The following ARID1A variants were observed in gnomAD, a reference collection of about 807,000 sequenced individuals.
ARID1A encodes the protein AT-rich interactive domain-containing protein 1A.
Under a neutral mutation model 212.6 loss-of-function variants are expected in ARID1A, and 20 were observed. The ratio of observed to expected loss-of-function variants is 0.09; its 90% CI spans 0.07 to 0.14. The LOEUF (loss-of-function observed/expected upper bound fraction) is 0.14, where lower values mean the gene tolerates loss of function less well. Among genes scored for constraint, ARID1A ranks in the 10% least tolerant of loss-of-function variants. The probability of loss-of-function intolerance (pLI) is 1.00; values close to 1 mark genes in which losing one functional copy is unlikely to be tolerated. For missense variants in ARID1A, 2,587 were observed against 3,059.0 expected, an observed-to-expected ratio of 0.85 and a Z score of 3.64; for synonymous variants, 1,376 against 1,222.1, an observed-to-expected ratio of 1.13 and a Z score of -2.63.
chr1:26,710,203 A>G (rs528900994), intron 1 of ARID1A, among the ~76,000 whole-genome samples: 4 of 147,234 alleles, frequency 2.7e-5, no homozygotes, highest in Non-Finnish European at 4.5e-5. Context: ...TGGGAGGCCA[A>G]GGCGGGTGGA....
At position 26,753,535 on chromosome 1, in the gene ARID1A, G is replaced by A. The variant is rs1189546003; in HGVS notation, c.1921-7321G>A. The stretch of plus-strand genomic sequence containing the variant: ...GTGAAATAGTTGGATCTGCTCCAGC[G>A]CTTTTGATCTGCATGGTAGATGAGC... On this transcript the variant is annotated intron_variant, in intron 4 of 19. Transcript: ENST00000324856. Among the ~76,000 whole-genome samples the A allele has an allele frequency of 4.6e-5, 7 of 152,326 alleles. 1 individual carries two copies. In the East Asian group the frequency reaches 9.6e-4, roughly 21 times the overall value.
chr1:26,696,617 G>A lies in ARID1A; in HGVS notation c.214G>A (p.Glu72Lys). Residue 72 changes from glutamate (E) to lysine (K), a missense_variant, in exon 1 of 20, where the codon GAG becomes AAG. Physicochemically the swap from Glu to Lys is moderately conservative, Grantham distance 56. Transcript: ENST00000324856. The stretch of plus-strand genomic sequence containing the variant: ...GGGGCCGCCGCAGCCGCTGGGAAAG[G>A]AGCTGCAGGACGGGGCCGAGAGCAA... ...AVGPPQPLGKELQDGAESNGG... is the reference protein window; with the variant it reads ...AVGPPQPLGKKLQDGAESNGG... The A allele has an allele frequency of 8.0e-7, 1 of 1,253,902 alleles. No individual in the cohort carries two copies. 77.7% of individuals were successfully genotyped at this position (1,253,902 alleles called of 1,614,324 possible).
At chr1:26,777,809 A>T (rs2081150779) in intron 19 of ARID1A, among the ~76,000 whole-genome samples, 1 of 152,110 alleles carries the variant, frequency 6.6e-6, no homozygotes. Context: ...GGCTCACGCC[A>T]GTAATCCTAG....
At position 26,774,366 on chromosome 1, in the gene ARID1A, C is replaced by T. The variant is rs2081113674; in HGVS notation, c.4139C>T (p.Pro1380Leu). Residue 1380 changes from proline (P) to leucine (L), a missense_variant, in exon 18 of 20, where the codon CCT becomes CTT. Coordinates refer to ENST00000324856, the MANE Select transcript of ARID1A (RefSeq NM_006015.6). The surrounding 1 kb of genome is among the most constrained non-coding windows in gnomAD (Gnocchi z 5.6). ...KRPMDGTYGP[P>L]AKRHEGEMYS... ...CCAATGGATGGCACATATGGCCCTC[C>T]TGCCAAGCGGCACGAAGGGGAGATG... 2 of 1,562,028 alleles carry T rather than the reference C, an allele frequency of 1.3e-6. No homozygotes were observed. Among genetic ancestry groups the T allele is most frequent in the African/African-American group, 2.7e-5 (2 of 73,520 alleles).
chr1:26,700,874 TA>T (rs1411079838), intron 1 of ARID1A, among the ~76,000 whole-genome samples: 15 of 152,210 alleles, frequency 9.9e-5, no homozygotes, highest in Non-Finnish European at 2.2e-4. Flanking sequence ...CATGTTTCTC[TA>T]CTGTTCATGA....
chr1:26,697,970 C>T (rs1557572088), intron 1 of ARID1A, among the ~76,000 whole-genome samples: 1 of 152,166 alleles, frequency 6.6e-6, no homozygotes. Context: ...CGGCCTTCCT[C>T]TGGGCCGCCC....
Position 26,762,210 on chromosome 1 carries a change from C to G in ARID1A, c.2310C>G (p.Ala770=). ...ACAGTTCCCCCCAGCCCGGCTCAGCCTTATCTCCGCGTCAGCCTTCCGGAG... is the reference window on the plus strand; with the variant it reads ...ACAGTTCCCCCCAGCCCGGCTCAGCGTTATCTCCGCGTCAGCCTTCCGGAG... ...PQYSSPQPGS[A]LSPRQPSGGQ... The change falls in exon 7 of 20, where the codon GCC becomes GCG. Residue 770 remains alanine, a synonymous_variant. Transcript: ENST00000324856. The G allele has an allele frequency of 6.2e-7, 1 of 1,614,202 alleles. No homozygotes were observed. Among genetic ancestry groups the G allele is most frequent in the Non-Finnish European group, 8.5e-7 (1 of 1,180,038 alleles).
At chr1:26,731,874 G>GT (rs1340251324) in intron 3 of ARID1A, among the ~76,000 whole-genome samples, 2 of 151,812 alleles carry the variant, frequency 1.3e-5, no homozygotes, top group African/African-American at 2.4e-5. Context: ...AATGGGACTG[G>GT]TTTTTTTATT....
At chr1:26,753,365 C>G (rs764425099) in intron 4 of ARID1A, 6 of 152,190 alleles carry the variant, frequency 3.9e-5, no homozygotes, top group Non-Finnish European at 8.8e-5. Flanking sequence ...GGCTGGGCAA[C>G]CAATCACAGC....
intron 4 of ARID1A, among the ~76,000 whole-genome samples, chr1:26,741,433 G>C (rs1166236822): frequency 6.6e-6 from 1 of 152,158 alleles, no homozygotes; most frequent in Admixed American, 6.6e-5. Context: ...AGAAAAAGGA[G>C]AGTCTGGCTG....
chr1:26,766,155 T>C, intron 8 of ARID1A, 66 bp from the exon 9 acceptor site: 2 of 1,549,358 alleles, frequency 1.3e-6, no homozygotes, highest in Non-Finnish European at 1.7e-6. Context: ...ACTATTTGGC[T>C]CCAGTTCAAA....
At chr1:26,739,567 C>T (rs2080767711) in intron 4 of ARID1A, among the ~76,000 whole-genome samples, 1 of 152,208 alleles carries the variant, frequency 6.6e-6, no homozygotes, top group South Asian at 2.1e-4. Context: ...TGGTGATTTA[C>T]ACTGTAGTTT....
intron 4 of ARID1A, among the ~76,000 whole-genome samples, chr1:26,757,495 A>G (rs888933094): frequency 4.0e-5 from 6 of 151,824 alleles, no homozygotes; most frequent in African/African-American, 4.8e-5. Flanking sequence ...AGGAAATAAA[A>G]ACGCACAAAG....
At chr1:26,766,431 C>T (rs1265667968) in intron 9 of ARID1A, 26 bp from the exon 10 acceptor site, 2 of 1,613,788 alleles carry the variant, frequency 1.2e-6, no homozygotes, top group Non-Finnish European at 1.7e-6. Flanking sequence ...ACTTACTGGA[C>T]TTGAGAATTT....
chr1:26,745,908 G>A (rs767741880), intron 4 of ARID1A, among the ~76,000 whole-genome samples: 3 of 152,064 alleles, frequency 2.0e-5, no homozygotes, highest in South Asian at 2.1e-4. Context: ...AAAATTAGCC[G>A]GGCGTGGTGG....
chr1:26,779,340 A>G lies in ARID1A; in HGVS notation c.5442A>G (p.Val1814=), dbSNP rs1413966888. The G allele has an allele frequency of 4.3e-6, 7 of 1,614,126 alleles. No homozygotes were observed. The highest frequency in any genetic ancestry group is 5.9e-6 in the Non-Finnish European group (7 of 1,180,058). ...TCAGTAAGTTTGACAAGCTTCCAGT[A>G]AAGATCGTACAGAAGAATGATCCAT... The part of the protein sequence containing the change: ...KLISKFDKLP[V]KIVQKNDPFV... Residue 1814 remains valine, a synonymous_variant, in exon 20 of 20, where the codon GTA becomes GTG. Transcript: ENST00000324856.
At chr1:26,752,627 T>G (rs1386599639) in intron 4 of ARID1A, among the ~76,000 whole-genome samples, 3 of 152,224 alleles carry the variant, frequency 2.0e-5, no homozygotes, top group Non-Finnish European at 4.4e-5. Context: ...CTCCTACCTT[T>G]TCCTTTTCTT....
At chr1:26,760,311 T>G (rs1406405632) in intron 4 of ARID1A, among the ~76,000 whole-genome samples, 1 of 152,190 alleles carries the variant, frequency 6.6e-6, no homozygotes, top group Admixed American at 6.5e-5. Flanking sequence ...GTTGAGTAGT[T>G]TTGAAGGAGG....
intron 16 of ARID1A, 21 bp from the exon 17 acceptor site, chr1:26,773,781 G>T: frequency 6.2e-7 from 1 of 1,614,174 alleles, no homozygotes; most frequent in Non-Finnish European, 8.5e-7. Context: ...CCCTAATCCT[G>T]TGTTTCTTTG....
Sources: allele counts gnomAD v4.1 joint callset (sites outside exome capture counted in the v4.1 genomes callset), GRCh38; gene constraint gnomAD v4.1.1; non-coding constraint Gnocchi (gnomAD v3.1); transcripts MANE v1.5; gene names NCBI Gene and HGNC (gene_info 2026-07-23, HGNC 2026-07-21).